The following EGFL6 variants were observed in gnomAD, a reference collection of about 807,000 sequenced individuals.
EGFL6 encodes epidermal growth factor-like protein 6.
A neutral mutation model predicts 43.1 loss-of-function variants in EGFL6; 42 were observed. The ratio of observed to expected loss-of-function variants is 0.98; its 90% CI spans 0.76 to 1.26. The LOEUF (loss-of-function observed/expected upper bound fraction) is 1.26, where lower values mean the gene tolerates loss of function less well. EGFL6 is among the 50% of genes most tolerant of loss of function. The pLI, the probability that EGFL6 is intolerant of heterozygous loss-of-function variation, is 0.00. For missense variants in EGFL6, 429 were observed against 427.8 expected (o/e 1.00, Z -0.02); for synonymous variants, 164 against 163.2 (o/e 1.01, Z -0.04).
At chrX:13,610,578 G>C (rs2045684050) in intron 7 of EGFL6, among the ~76,000 whole-genome samples, 1 of 112,108 alleles carries the variant, frequency 8.9e-6, no homozygotes, top group African/African-American at 3.2e-5. Flanking sequence ...TAGGTAGGTT[G>C]GGGGGAAGGA....
intron 10 of EGFL6, among the ~76,000 whole-genome samples, chrX:13,626,726 T>C (rs2045782435): frequency 8.9e-6 from 1 of 112,346 alleles, no homozygotes; most frequent in African/African-American, 3.2e-5. Flanking sequence ...TGCTAAAGGA[T>C]CATTTAATTA....
intron 10 of EGFL6, chrX:13,624,921 A>G (rs1482762832): frequency 1.8e-5 from 2 of 112,080 alleles, no homozygotes; most frequent in African/African-American, 6.5e-5. Flanking sequence ...CTAAAGATTC[A>G]GTGTAAGCAA....
chrX:13,623,377 GTT>G (rs774112791), intron 9 of EGFL6, among the ~76,000 whole-genome samples: 4 of 40,357 alleles, frequency 9.9e-5, no homozygotes, highest in Non-Finnish European at 1.3e-4. Context: ...TTTATTTTGG[GTT>G]TTTTTTTTTT....
intron 10 of EGFL6, among the ~76,000 whole-genome samples, chrX:13,624,745 CT>C (rs1348623559): frequency 8.9e-6 from 1 of 111,816 alleles, no homozygotes; most frequent in Non-Finnish European, 1.9e-5. Context: ...AAAGATCTTT[CT>C]TTTAGATCCT....
At chrX:13,585,382 G>A (rs1171244549) in intron 1 of EGFL6, among the ~76,000 whole-genome samples, 1 of 111,919 alleles carries the variant, frequency 8.9e-6, no homozygotes, top group Non-Finnish European at 1.9e-5. Flanking sequence ...CCTTTAGACT[G>A]GATTATGTTT....
chrX:13,623,187 T>TC (rs1414210348), intron 9 of EGFL6, among the ~76,000 whole-genome samples: 2 of 108,316 alleles, frequency 1.8e-5, no homozygotes, highest in Admixed American at 2.0e-4. Flanking sequence ...AGAACCTGTC[T>TC]CAAAAAAAAA....
At chrX:13,621,836 A>G (rs1371135627) in intron 9 of EGFL6, among the ~76,000 whole-genome samples, 1 of 112,652 alleles carries the variant, frequency 8.9e-6, no homozygotes, top group Non-Finnish European at 1.9e-5. Flanking sequence ...CAGAGAATAT[A>G]TGTGAAAGCA....
chrX:13,603,915 T>C (rs1387575017), intron 5 of EGFL6, among the ~76,000 whole-genome samples: 2 of 112,373 alleles, frequency 1.8e-5, no homozygotes, highest in Non-Finnish European at 3.8e-5. Flanking sequence ...ATGTTGTCTT[T>C]AAAACTTGCT....
chrX:13,612,748 A>T (rs2045698412), intron 7 of EGFL6, among the ~76,000 whole-genome samples: 1 of 112,654 alleles, frequency 8.9e-6, no homozygotes, highest in African/African-American at 3.2e-5. Context: ...AGTCATAAAA[A>T]CAAAAATGAG....
At chrX:13,626,318 A>G (rs1369356392) in intron 10 of EGFL6, among the ~76,000 whole-genome samples, 1 of 111,365 alleles carries the variant, frequency 9.0e-6, no homozygotes, top group African/African-American at 3.3e-5. Context: ...CTTCTATAGA[A>G]ATTTTTCCTT....
At position 13,606,421 on chromosome X, in the gene EGFL6, A is replaced by T. The variant is rs549492450; in HGVS notation, c.563A>T (p.Asn188Ile). The change falls in exon 6 of 12, where the codon AAT (asparagine) becomes ATT (isoleucine). Residue 188 changes from asparagine to isoleucine, a missense_variant. Physicochemically the swap from Asn to Ile is moderately radical, Grantham distance 149 (BLOSUM62 -3). Coordinates refer to ENST00000361306, the MANE Select transcript of EGFL6 (RefSeq NM_015507.4). ...CASGKVICPY[N>I]RRCVNTFGSY... ...TCTGGTAAAGTCATCTGTCCCTACA[A>T]TCGAAGATGTGTGAACACATTTGGA... 5 of 1,209,657 alleles carry T rather than the reference A, an allele frequency of 4.1e-6. No homozygotes were observed. The highest frequency in any genetic ancestry group is 5.6e-6 in the Non-Finnish European group (5 of 894,728).
chrX:13,615,536 A>G (rs1362985766), intron 7 of EGFL6, among the ~76,000 whole-genome samples: 2 of 111,989 alleles, frequency 1.8e-5, no homozygotes, highest in Non-Finnish European at 3.8e-5. Flanking sequence ...ATGATCACAC[A>G]TTACGGTCAT....
At chrX:13,600,497 G>T (rs1431575415) in intron 4 of EGFL6, among the ~76,000 whole-genome samples, 1 of 107,430 alleles carries the variant, frequency 9.3e-6, no homozygotes, top group Non-Finnish European at 1.9e-5. Context: ...GTGTTGGTCA[G>T]GCTGGTCTCA....
At chrX:13,582,911 A>C (rs760258820) in intron 1 of EGFL6, among the ~76,000 whole-genome samples, 6 of 111,722 alleles carry the variant, frequency 5.4e-5, no homozygotes, top group South Asian at 7.6e-4. Context: ...AGATTTCAAC[A>C]AATTTCTATT....
intron 11 of EGFL6, among the ~76,000 whole-genome samples, chrX:13,629,528 T>C (rs1477759626): frequency 9.0e-6 from 1 of 111,694 alleles, no homozygotes; most frequent in Non-Finnish European, 1.9e-5. Context: ...CCCAGGCATC[T>C]GTTCCTTGAA....
chrX:13,629,103 C>G, intron 11 of EGFL6, among the ~76,000 whole-genome samples: 1 of 112,986 alleles, frequency 8.9e-6, no homozygotes. Flanking sequence ...TTCCTAACCA[C>G]TCTTCCCCTC....
chrX:13,614,854 TCTC>T (rs2045710282), intron 7 of EGFL6, among the ~76,000 whole-genome samples: 1 of 110,144 alleles, frequency 9.1e-6, no homozygotes, highest in Non-Finnish European at 1.9e-5. Context: ...TTCAAGCAAT[TCTC>T]CTGCCTCAGC....
intron 6 of EGFL6, 31 bp from the exon 7 acceptor site, chrX:13,608,293 C>G: frequency 8.3e-7 from 1 of 1,207,687 alleles, no homozygotes; most frequent in Non-Finnish European, 1.1e-6. Flanking sequence ...CTCTGTACCA[C>G]AGAGTCGTTC....
chrX:13,617,868 C>T lies in EGFL6; in HGVS notation c.917C>T (p.Thr306Ile). 1 of 1,211,440 alleles carries T rather than the reference C, an allele frequency of 8.3e-7. No homozygotes were observed. The highest frequency in any genetic ancestry group is 1.1e-6 in the Non-Finnish European group (1 of 895,461). Residue 306 changes from threonine to isoleucine, a missense_variant, in exon 8 of 12, where the codon ACT becomes ATT. By Grantham distance (89) the Thr-to-Ile change is moderately conservative. Coordinates refer to ENST00000361306, the MANE Select transcript of EGFL6 (RefSeq NM_015507.4). Reference sequence around the variant, plus strand: ...AATGTTACCCCAGAACCCACCAGGACTCCTACCCCTAAGGTGAACTTGCAG... The same window carrying T: ...AATGTTACCCCAGAACCCACCAGGATTCCTACCCCTAAGGTGAACTTGCAG... Reference protein sequence around the residue: ...IKNVTPEPTRTPTPKVNLQPF... With the variant: ...IKNVTPEPTRIPTPKVNLQPF...
Sources: allele counts gnomAD v4.1 joint callset (sites outside exome capture counted in the v4.1 genomes callset), GRCh38; gene constraint gnomAD v4.1.1; transcripts MANE v1.5; gene names NCBI Gene and HGNC (gene_info 2026-07-23, HGNC 2026-07-21).